Variants in RAB6B observed in about 807,000 individuals in gnomAD.
The protein encoded by RAB6B is RAB6B, member RAS oncogene family, also known as ras-related protein Rab-6B.
Under a neutral mutation model 31.2 loss-of-function variants are expected in RAB6B, and 7 were observed. The ratio of observed to expected loss-of-function variants is 0.22; its 90% CI spans 0.13 to 0.42. RAB6B has a LOEUF of 0.42. Among genes scored for constraint, RAB6B ranks in the 10% least tolerant of loss-of-function variants. RAB6B has a pLI of 1.00. For missense variants in RAB6B, 149 were observed against 280.6 expected (o/e 0.53, Z 3.35); for synonymous variants, 105 against 104.9 (o/e 1.00, Z -0.01).
chr3:133,856,740 C>A (rs188871460), intron 2 of RAB6B, among the ~76,000 whole-genome samples: 17 of 152,256 alleles, frequency 1.1e-4, no homozygotes, highest in Admixed American at 9.8e-4. Flanking sequence ...TTCTTAGATG[C>A]CCTCAAAAGT....
chr3:133,839,993 C>CAA (rs1559901171), intron 4 of RAB6B, among the ~76,000 whole-genome samples: 2 of 152,018 alleles, frequency 1.3e-5, no homozygotes, highest in African/African-American at 4.8e-5. Context: ...TGCATACACA[C>CAA]ACACACACAC....
In RAB6B at chr3:133,855,563, C is replaced by T. The variant is rs148047247; in HGVS notation, c.129+9021G>A. 1.8e-3 allele frequency among the ~76,000 whole-genome samples: 278 copies of T among 152,322 alleles called. 2 individuals are homozygous for T. The highest frequency in any genetic ancestry group is 0.017 in the Middle Eastern group (5 of 294). ...AAAAGCTACCCATAATGTGCAAGGTCGTGTGGCCTGAAGCTCCCTGAGAGG... is the reference window on the plus strand; with the variant it reads ...AAAAGCTACCCATAATGTGCAAGGTTGTGTGGCCTGAAGCTCCCTGAGAGG... On this transcript the variant is annotated intron_variant, in intron 2 of 7. Coordinates refer to ENST00000285208, the MANE Select transcript of RAB6B (RefSeq NM_016577.4).
chr3:133,885,688 G>GCTA, intron 1 of RAB6B: 2 of 697,228 alleles, frequency 2.9e-6, no homozygotes. Flanking sequence ...GATGGACAGG[G>GCTA]GAGCTTAAAG....
intron 2 of RAB6B, among the ~76,000 whole-genome samples, chr3:133,848,341 C>T (rs1199242146): frequency 6.6e-6 from 1 of 152,138 alleles, no homozygotes; most frequent in Non-Finnish European, 1.5e-5. Context: ...TTTCTCCATC[C>T]CCAACACCAC....
intron 1 of RAB6B, among the ~76,000 whole-genome samples, chr3:133,865,949 C>A (rs2108004561): frequency 6.6e-6 from 1 of 152,302 alleles, no homozygotes; most frequent in East Asian, 1.9e-4. Context: ...CAGAAGACCC[C>A]ATCTTTAACC....
chr3:133,876,320 C>G (rs1026976475), intron 1 of RAB6B, among the ~76,000 whole-genome samples: 1 of 152,162 alleles, frequency 6.6e-6, no homozygotes, highest in African/African-American at 2.4e-5. Context: ...GTGTCTCCCC[C>G]GGACCAGTTC....
chr3:133,835,775 G>A (rs1308368190), intron 6 of RAB6B, among the ~76,000 whole-genome samples: 1 of 152,032 alleles, frequency 6.6e-6, no homozygotes, highest in Non-Finnish European at 1.5e-5. Flanking sequence ...TGAGGCCCGA[G>A]GGAGCCTGTC....
rs1013542041 is a variant in RAB6B, at chr3:133,895,562, G to C, written c.-96C>G. The C allele has an allele frequency of 1.6e-6, 2 of 1,241,998 alleles. No homozygotes were observed. Among genetic ancestry groups the C allele is most frequent in the Non-Finnish European group, 2.3e-6 (2 of 868,770 alleles). The allele number at this position is 1,241,998 out of a possible 1,614,324, so 76.9% of individuals were successfully genotyped here. A position where few individuals can be genotyped will look rare whatever the true frequency, so the allele number is the denominator to read the frequency against. On this transcript the variant is annotated 5_prime_UTR_variant, in exon 1 of 8. Transcript: ENST00000285208. ...GGCGAGGGGAGGCGGCCGGCGGTGC[G>C]GGAGCCGGAGGGGGAAGGGCTGGCT...
At chr3:133,860,043 C>T (rs939428605) in intron 2 of RAB6B, among the ~76,000 whole-genome samples, 1 of 152,072 alleles carries the variant, frequency 6.6e-6, no homozygotes, top group African/African-American at 2.4e-5. Flanking sequence ...TCGGAGCCTG[C>T]AGGGGCTATG....
rs1936699116 is a variant in RAB6B at position 133,895,613 on chromosome 3, C to A, written c.-147G>T. On this transcript the variant is annotated 5_prime_UTR_variant, in exon 1 of 8. Transcript: ENST00000285208. Reference sequence around the variant, plus strand: ...GCGCGCGTCCCTGACTCCCCAGCTGCGTCCCGGTCCCGGCCTGCGGCTGCG... The same window carrying A: ...GCGCGCGTCCCTGACTCCCCAGCTGAGTCCCGGTCCCGGCCTGCGGCTGCG... 1 of 725,066 alleles carries A rather than the reference C, an allele frequency of 1.4e-6. No homozygotes were observed. The highest frequency in any genetic ancestry group is 1.8e-5 in the South Asian group (1 of 56,220). The allele number at this position is 725,066 out of a possible 1,614,324, so 44.9% of individuals were successfully genotyped here.
chr3:133,846,803 A>C (rs1483836250), intron 2 of RAB6B, among the ~76,000 whole-genome samples: 1 of 152,258 alleles, frequency 6.6e-6, no homozygotes, highest in East Asian at 1.9e-4. Context: ...CTGCTTAAAA[A>C]ATAAAACAAG....
At chr3:133,843,968 G>A (rs940639960) in intron 2 of RAB6B, among the ~76,000 whole-genome samples, 1 of 152,194 alleles carries the variant, frequency 6.6e-6, no homozygotes, top group African/African-American at 2.4e-5. Context: ...CTGTTATTTT[G>A]GGTTTCTGTT....
chr3:133,857,704 A>G (rs1936101354), intron 2 of RAB6B, among the ~76,000 whole-genome samples: 1 of 152,216 alleles, frequency 6.6e-6, no homozygotes, highest in Admixed American at 6.5e-5. Flanking sequence ...TAGAACAGCC[A>G]TTTGCAAGCA....
chr3:133,877,565 C>A (rs990761083), intron 1 of RAB6B, among the ~76,000 whole-genome samples: 1 of 152,136 alleles, frequency 6.6e-6, no homozygotes, highest in South Asian at 2.1e-4. Flanking sequence ...GAAAAACTAT[C>A]CACACACAAC....
chr3:133,846,520 T>C (rs1208773255), intron 2 of RAB6B, among the ~76,000 whole-genome samples: 1 of 152,114 alleles, frequency 6.6e-6, no homozygotes, highest in Non-Finnish European at 1.5e-5. Flanking sequence ...AAAAACATCT[T>C]GAGAATAGCC....
intron 4 of RAB6B, among the ~76,000 whole-genome samples, chr3:133,840,009 C>A (rs1365962132): frequency 1.3e-5 from 2 of 150,434 alleles, no homozygotes; most frequent in African/African-American, 4.9e-5. Flanking sequence ...CACACACATG[C>A]GCGCGCGACT....
intron 2 of RAB6B, among the ~76,000 whole-genome samples, chr3:133,853,281 A>G (rs1936027655): frequency 6.6e-6 from 1 of 152,088 alleles, no homozygotes; most frequent in Admixed American, 6.5e-5. Context: ...ACACATGTGT[A>G]TGTAATTATG....
At chr3:133,866,421 C>T (rs956611940) in intron 1 of RAB6B, among the ~76,000 whole-genome samples, 3 of 152,070 alleles carry the variant, frequency 2.0e-5, no homozygotes, top group African/African-American at 7.2e-5. Context: ...CAGGATTCTG[C>T]CCTTGTTGGA....
At chr3:133,871,418 G>C (rs1240751338) in intron 1 of RAB6B, among the ~76,000 whole-genome samples, 1 of 152,226 alleles carries the variant, frequency 6.6e-6, no homozygotes, top group South Asian at 2.1e-4. Flanking sequence ...GGAAGGGACT[G>C]GATGAAACGA....
Sources: allele counts gnomAD v4.1 joint callset (sites outside exome capture counted in the v4.1 genomes callset), GRCh38; gene constraint gnomAD v4.1.1; transcripts MANE v1.5; gene names NCBI Gene and HGNC (gene_info 2026-07-23, HGNC 2026-07-21).